FOXN1: variants seen among roughly 807,000 people sequenced by gnomAD.
FOXN1 encodes forkhead box N1, also known as forkhead box protein N1.
Under a neutral mutation model 49.0 loss-of-function variants are expected in FOXN1, and 15 were observed. The observed-to-expected ratio is 0.31, with a 90% CI of 0.20 to 0.47. FOXN1 has a LOEUF of 0.47. FOXN1 is among the 20% of genes least tolerant of loss of function. FOXN1 has a pLI of 1.00. For missense variants in FOXN1, 800 were observed against 842.8 expected, an observed-to-expected ratio of 0.95 and a Z score of 0.63; for synonymous variants, 356 against 369.0, an observed-to-expected ratio of 0.96 and a Z score of 0.40.
At position 28,531,239 on chromosome 17, in the gene FOXN1, C is replaced by T. The variant is rs150660425; in HGVS notation, c.927+394C>T. Among the ~76,000 whole-genome samples, 326 of 152,310 alleles carry T rather than the reference C, an allele frequency of 2.1e-3. 1 individual carries two copies. The highest frequency in any genetic ancestry group is 7.2e-3 in the African/African-American group (300 of 41,566). On this transcript the variant is annotated intron_variant, in intron 6 of 8. Transcript: ENST00000579795. ...CTGTGGGGCTGGAGAAGCTAGTCAGCCACGGTGACTGGGAGGTCGGGGCTG... is the reference window on the plus strand; with the variant it reads ...CTGTGGGGCTGGAGAAGCTAGTCAGTCACGGTGACTGGGAGGTCGGGGCTG...
rs986139855 is a variant in FOXN1 at position 28,538,499 on chromosome 17, T to C, written c.*1063T>C. 1 of 152,212 alleles carries C rather than the reference T, an allele frequency of 6.6e-6. No individual in the cohort carries two copies. The highest frequency in any genetic ancestry group is 1.5e-5 in the Non-Finnish European group (1 of 68,042). The allele number at this position is 152,212 out of a possible 1,614,324, so 9.4% of individuals were successfully genotyped here. Reference sequence around the variant, plus strand: ...CAAAAACCACTTTCGACTTACGATGTTTCCCACTCACGATGGGTTTCTCCG... The same window carrying C: ...CAAAAACCACTTTCGACTTACGATGCTTCCCACTCACGATGGGTTTCTCCG... On this transcript the variant is annotated 3_prime_UTR_variant, in exon 9 of 9. Coordinates refer to ENST00000579795, the MANE Select transcript of FOXN1 (RefSeq NM_001369369.1).
chr17:28,507,074 C>T (rs71372384), intron 1 of FOXN1, among the ~76,000 whole-genome samples: 1 of 152,202 alleles, frequency 6.6e-6, no homozygotes, highest in South Asian at 2.1e-4. Context: ...AGAGTCGCCT[C>T]CTATCCCCAG....
At chr17:28,509,224 A>G (rs918463864) in intron 1 of FOXN1, among the ~76,000 whole-genome samples, 4 of 151,548 alleles carry the variant, frequency 2.6e-5, no homozygotes, top group African/African-American at 4.9e-5. Context: ...CCCAACTCCA[A>G]CCTCATCCCT....
At chr17:28,530,686 G>T (rs1183519842) in intron 5 of FOXN1, 63 bp from the exon 6 acceptor site, 2 of 890,906 alleles carry the variant, frequency 2.2e-6, no homozygotes, top group East Asian at 2.4e-5. Context: ...GGGGTGGGGG[G>T]CTTGGGGTGG....
intron 1 of FOXN1, among the ~76,000 whole-genome samples, chr17:28,513,267 TCAAA>T (rs967683090): frequency 8.0e-4 from 122 of 152,166 alleles, no homozygotes; most frequent in African/African-American, 2.8e-3. Flanking sequence ...AGACTTTGTC[TCAAA>T]CAAACAAACA....
At chr17:28,536,293 A>T (rs2070062868) in intron 8 of FOXN1, among the ~76,000 whole-genome samples, 1 of 152,244 alleles carries the variant, frequency 6.6e-6, no homozygotes, top group Non-Finnish European at 1.5e-5. Context: ...AGGAAGCTAT[A>T]GACATGTGGG....
chr17:28,516,327 A>G (rs1457072991), intron 1 of FOXN1, among the ~76,000 whole-genome samples: 416 of 104,748 alleles, frequency 4.0e-3, no homozygotes, highest in Middle Eastern at 0.011. Flanking sequence ...CACCTCCACA[A>G]GGTACACACC....
In FOXN1 at chr17:28,534,625, G is replaced by A; in HGVS notation, c.1136-82G>A. On this transcript the variant is annotated intron_variant, in intron 7 of 8. Coordinates refer to ENST00000579795, the MANE Select transcript of FOXN1 (RefSeq NM_001369369.1). The surrounding 1 kb of genome is among the most constrained non-coding windows in gnomAD (Gnocchi z 4.1). Reference sequence around the variant, plus strand: ...AAGAGAGAATCAGAGAATGAGGCAAGGCCCCGAGTAAGGGTTCCAGTCTGG... The same window carrying A: ...AAGAGAGAATCAGAGAATGAGGCAAAGCCCCGAGTAAGGGTTCCAGTCTGG... The A allele has an allele frequency of 6.2e-7, 1 of 1,603,522 alleles. No individual in the cohort carries two copies. Among genetic ancestry groups the A allele is most frequent in the Non-Finnish European group, 8.5e-7 (1 of 1,175,136 alleles).
intron 6 of FOXN1, among the ~76,000 whole-genome samples, chr17:28,532,950 C>T (rs1567885108): frequency 6.6e-6 from 1 of 152,154 alleles, no homozygotes; most frequent in Non-Finnish European, 1.5e-5. Flanking sequence ...TGGTGGGAGT[C>T]GAAGGTGAAT....
chr17:28,507,714 G>A (rs2069294246), intron 1 of FOXN1, among the ~76,000 whole-genome samples: 1 of 152,326 alleles, frequency 6.6e-6, no homozygotes, highest in South Asian at 2.1e-4. Flanking sequence ...TCCGAGGGCG[G>A]CGTTGCACTG....
At chr17:28,518,105 A>C (rs930322153) in intron 1 of FOXN1, among the ~76,000 whole-genome samples, 4 of 151,896 alleles carry the variant, frequency 2.6e-5, no homozygotes, top group African/African-American at 9.7e-5. Context: ...CACAGGGTAC[A>C]CACCTCCACA....
Position 28,534,960 on chromosome 17 carries a change from C to T in FOXN1, c.1389C>T (p.Ala463=). The T allele has an allele frequency of 3.1e-6, 5 of 1,614,066 alleles. No homozygotes were observed. Among genetic ancestry groups the T allele is most frequent in the Non-Finnish European group, 4.2e-6 (5 of 1,179,984 alleles). ...ACTTGCACCTCTCACCAGGCCTGGC[C>T]CCTCCTGGACCCCCGCAGCCATTGT... ...QTYLHLSPGL[A]PPGPPQPLFP... The change falls in exon 8 of 9, where the codon GCC becomes GCT. Residue 463 remains alanine, a synonymous_variant. Transcript: ENST00000579795. This position sits in a 1 kb window ranked among gnomAD's most constrained non-coding sequence, Gnocchi z 4.1.
intron 5 of FOXN1, 139 bp downstream of exon 5, chr17:28,529,363 G>C: frequency 9.3e-7 from 1 of 1,071,204 alleles, no homozygotes; most frequent in Non-Finnish European, 1.4e-6. Context: ...GAAGATGCTG[G>C]AGAGAGGGTT....
chr17:28,512,934 C>G (rs1356435770), intron 1 of FOXN1, among the ~76,000 whole-genome samples: 7 of 152,194 alleles, frequency 4.6e-5, no homozygotes, highest in African/African-American at 1.7e-4. Flanking sequence ...TAGGGCTGAT[C>G]TCTCAGACTA....
intron 1 of FOXN1, among the ~76,000 whole-genome samples, 192 bp downstream of exon 1, chr17:28,506,635 C>T (rs1291192020): frequency 6.6e-6 from 1 of 152,266 alleles, no homozygotes; most frequent in Non-Finnish European, 1.5e-5. Context: ...CCACCTCCCC[C>T]TCCAGTTCCT....
intron 5 of FOXN1, among the ~76,000 whole-genome samples, chr17:28,530,149 G>A (rs891515524): frequency 7.9e-5 from 12 of 151,958 alleles, no homozygotes; most frequent in East Asian, 1.9e-4. Context: ...AAACCTGCAC[G>A]TACTGTACAT....
intron 6 of FOXN1, among the ~76,000 whole-genome samples, chr17:28,533,530 C>T (rs558923033): frequency 7.5e-4 from 113 of 150,582 alleles, no homozygotes; most frequent in African/African-American, 2.4e-3. Context: ...CAGGGCACGC[C>T]CCCTGGGCAC....
At chr17:28,519,144 G>A (rs1031380859) in intron 1 of FOXN1, among the ~76,000 whole-genome samples, 1 of 152,144 alleles carries the variant, frequency 6.6e-6, no homozygotes, top group Non-Finnish European at 1.5e-5. Context: ...CTGGGGCAAA[G>A]GGAGGATAAC....
In FOXN1 at chr17:28,537,555, T is replaced by A; in HGVS notation, c.*119T>A. The A allele has an allele frequency of 1.3e-6, 1 of 782,830 alleles. No homozygotes were observed. The highest frequency in any genetic ancestry group is 3.2e-4 in the Middle Eastern group (1 of 3,134). 48.5% of individuals were successfully genotyped at this position (782,830 alleles called of 1,614,324 possible). On this transcript the variant is annotated 3_prime_UTR_variant, in exon 9 of 9. Transcript: ENST00000579795. ...AAATACTACCTGTCCCCTATGCCAC[T>A]AAGCCAACGTGTGTGTCAGCTGGTA...
Sources: allele counts gnomAD v4.1 joint callset (sites outside exome capture counted in the v4.1 genomes callset), GRCh38; gene constraint gnomAD v4.1.1; non-coding constraint Gnocchi (gnomAD v3.1); transcripts MANE v1.5; gene names NCBI Gene and HGNC (gene_info 2026-07-23, HGNC 2026-07-21).